PPP3CC: variants seen among roughly 807,000 people sequenced by gnomAD.
The protein encoded by PPP3CC is serine/threonine-protein phosphatase 2B catalytic subunit gamma isoform.
PPP3CC carries 35 observed loss-of-function variants against 60.3 expected under a neutral mutation model. The observed-to-expected ratio is 0.58, with a 90% confidence interval of 0.44 to 0.77. The LOEUF is 0.77. PPP3CC is among the 30% of genes least tolerant of loss of function. PPP3CC has a pLI of 0.00. For missense variants in PPP3CC, 570 were observed against 628.9 expected (o/e 0.91, Z 1.00); for synonymous variants, 206 against 224.3 (o/e 0.92, Z 0.73).
At chr8:22,488,383 A>G (rs1586824990) in intron 3 of PPP3CC, among the ~76,000 whole-genome samples, 1 of 152,334 alleles carries the variant, frequency 6.6e-6, no homozygotes, top group East Asian at 1.9e-4. Context: ...TAATGCAACA[A>G]TTCCATTTTT....
intron 3 of PPP3CC, among the ~76,000 whole-genome samples, chr8:22,481,592 A>T (rs1838071269): frequency 1.3e-5 from 2 of 151,080 alleles, no homozygotes; most frequent in Non-Finnish European, 2.9e-5. Flanking sequence ...TGTACAGAAC[A>T]TGCAGGTTTG....
chr8:22,525,893 A>C (rs188128966), intron 8 of PPP3CC, among the ~76,000 whole-genome samples: 119 of 145,916 alleles, frequency 8.2e-4, no homozygotes, highest in Middle Eastern at 3.6e-3. Flanking sequence ...TCAGAGACAG[A>C]GTCTCACTGT....
At chr8:22,523,856 T>A (rs1447572509) in intron 8 of PPP3CC, 1 of 190,302 alleles carries the variant, frequency 5.3e-6, no homozygotes, top group Non-Finnish European at 1.1e-5. Context: ...ACAGTGGCTC[T>A]GGAGGCACTT....
intron 3 of PPP3CC, among the ~76,000 whole-genome samples, chr8:22,495,808 C>A (rs988417633): frequency 6.6e-6 from 1 of 152,156 alleles, no homozygotes; most frequent in African/African-American, 2.4e-5. Context: ...ATCTGCCTGC[C>A]TCTGCCTCCC....
At chr8:22,452,844 C>G (rs1837076700) in intron 1 of PPP3CC, among the ~76,000 whole-genome samples, 1 of 152,216 alleles carries the variant, frequency 6.6e-6, no homozygotes, top group Admixed American at 6.5e-5. Context: ...GAATTACTGT[C>G]TCCTATGAGC....
chr8:22,490,242 A>G (rs942211972), intron 3 of PPP3CC, among the ~76,000 whole-genome samples: 1 of 152,136 alleles, frequency 6.6e-6, no homozygotes, highest in Non-Finnish European at 1.5e-5. Context: ...CACCATTATT[A>G]CCTGGAAAGC....
intron 4 of PPP3CC, among the ~76,000 whole-genome samples, chr8:22,509,062 A>C (rs1376910575): frequency 6.6e-6 from 1 of 152,144 alleles, no homozygotes; most frequent in Non-Finnish European, 1.5e-5. Context: ...CTCAAACCCT[A>C]ATCACCCAGT....
intron 1 of PPP3CC, among the ~76,000 whole-genome samples, chr8:22,473,049 T>G (rs1036821286): frequency 6.6e-6 from 1 of 152,212 alleles, no homozygotes; most frequent in Non-Finnish European, 1.5e-5. Flanking sequence ...CAGTGAAATT[T>G]GAGTAGTTAA....
Position 22,532,217 on chromosome 8 carries a change from T to C in PPP3CC, c.1142-8T>C, listed in dbSNP as rs1195731415. Reference sequence around the variant, plus strand: ...CCTTTAACTTACTTATTCTTTGTATTCTCTAAGGAAGCACTACAGTTCGTA... The same window carrying C: ...CCTTTAACTTACTTATTCTTTGTATCCTCTAAGGAAGCACTACAGTTCGTA... On this transcript the variant is annotated splice_polypyrimidine_tract_variant and splice_region_variant and intron_variant, in intron 10 of 13. Coordinates refer to ENST00000240139, the MANE Select transcript of PPP3CC (RefSeq NM_005605.5). 1 of 1,600,426 alleles carries C rather than the reference T, an allele frequency of 6.2e-7. No homozygotes were observed. The highest frequency in any genetic ancestry group is 1.3e-5 in the African/African-American group (1 of 74,658).
At chr8:22,533,123 T>G in intron 12 of PPP3CC, 105 bp downstream of exon 12, 1 of 779,762 alleles carries the variant, frequency 1.3e-6, no homozygotes, top group Non-Finnish European at 1.9e-6. Flanking sequence ...CGAGAGCAGT[T>G]GGTTATACCA....
intron 1 of PPP3CC, among the ~76,000 whole-genome samples, chr8:22,453,852 A>G (rs540033091): frequency 3.3e-5 from 5 of 152,218 alleles, no homozygotes; most frequent in Admixed American, 2.6e-4. Context: ...AAAGTACAGT[A>G]TTAAAGATAA....
chr8:22,503,226 A>G (rs1412986415), intron 4 of PPP3CC, among the ~76,000 whole-genome samples: 2 of 152,158 alleles, frequency 1.3e-5, no homozygotes, highest in African/African-American at 4.8e-5. Flanking sequence ...AGCTTCTACT[A>G]TCTGTCGTTT....
chr8:22,460,033 A>G (rs140041072), intron 1 of PPP3CC, among the ~76,000 whole-genome samples: 83 of 152,290 alleles, frequency 5.5e-4, no homozygotes, highest in Middle Eastern at 3.4e-3. Context: ...GATTGTCTAT[A>G]TAGTATAACT....
rs1839586675 is a variant in PPP3CC at position 22,527,414 on chromosome 8, C to T, written c.966C>T (p.Asn322=). 1 of 1,613,736 alleles carries T rather than the reference C, an allele frequency of 6.2e-7. No homozygotes were observed. The highest frequency in any genetic ancestry group is 8.5e-7 in the Non-Finnish European group (1 of 1,179,766). The part of the protein sequence containing the change: ...NNKAAVLKYE[N]NVMNIRQFNC... ...TAGCTGCTGTGTTGAAATATGAAAA[C>T]AATGTCATGAATATCAGGCAGTTTA... The change falls in exon 9 of 14, where the codon AAC becomes AAT. Residue 322 remains asparagine, a synonymous_variant. Transcript: ENST00000240139.
At chr8:22,531,268 T>C in intron 10 of PPP3CC, 1 of 1,517,782 alleles carries the variant, frequency 6.6e-7, no homozygotes. Context: ...TCTGTCTTCA[T>C]CTCCTTGTTT....
intron 4 of PPP3CC, among the ~76,000 whole-genome samples, chr8:22,504,341 G>A (rs959922661): frequency 1.4e-4 from 22 of 151,978 alleles, no homozygotes; most frequent in African/African-American, 5.1e-4. Context: ...TCATTCTGTT[G>A]TCCAGGCTTG....
chr8:22,522,114 T>G (rs937412064), intron 6 of PPP3CC, among the ~76,000 whole-genome samples: 6 of 145,588 alleles, frequency 4.1e-5, no homozygotes, highest in East Asian at 2.0e-4. Context: ...ATGTGTTGAA[T>G]TTTTAGCATC....
At chr8:22,535,431 C>T (rs1434213611) in intron 12 of PPP3CC, among the ~76,000 whole-genome samples, 1 of 152,046 alleles carries the variant, frequency 6.6e-6, no homozygotes, top group African/African-American at 2.4e-5. Flanking sequence ...TTTTTTTGCT[C>T]CCCTTGTTTT....
intron 1 of PPP3CC, among the ~76,000 whole-genome samples, chr8:22,469,080 C>T (rs1307435699): frequency 1.3e-5 from 2 of 151,890 alleles, no homozygotes; most frequent in Non-Finnish European, 2.9e-5. Context: ...ACAGAATCAG[C>T]GTTGAGTATC....
Sources: allele counts gnomAD v4.1 joint callset (sites outside exome capture counted in the v4.1 genomes callset), GRCh38; gene constraint gnomAD v4.1.1; transcripts MANE v1.5; gene names NCBI Gene and HGNC (gene_info 2026-07-23, HGNC 2026-07-21).